Variants in COMMD10 observed in about 807,000 individuals in gnomAD.
The protein encoded by COMMD10 is COMM domain-containing protein 10.
A neutral mutation model predicts 28.9 loss-of-function variants in COMMD10; 33 were observed. That is an observed-to-expected ratio of 1.14 (90% CI 0.87 to 1.53). The LOEUF (loss-of-function observed/expected upper bound fraction) is 1.53. Ranked by LOEUF, COMMD10 falls within the 40% of genes most tolerant of loss-of-function variation. COMMD10 has a pLI of 0.00. For synonymous variants in COMMD10, 110 were observed against 81.7 expected, an observed-to-expected ratio of 1.35 and a Z score of -1.87; for missense variants, 310 against 233.4, an observed-to-expected ratio of 1.33 and a Z score of -2.14.
At chr5:116,146,778 C>A (rs10059989) in intron 5 of COMMD10, among the ~76,000 whole-genome samples, 47,877 of 151,562 alleles carry the variant, frequency 0.32, 10,505 homozygotes, top group African/African-American at 0.63. Flanking sequence ...AGGAAGAATA[C>A]TTGTAACTAT....
intron 5 of COMMD10, among the ~76,000 whole-genome samples, chr5:116,160,429 A>G (rs1001910649): frequency 5.9e-5 from 9 of 152,194 alleles, no homozygotes; most frequent in African/African-American, 2.2e-4. Flanking sequence ...TGCTGTATTA[A>G]AATGTGAAGA....
At chr5:116,156,096 T>C (rs1752697766) in intron 5 of COMMD10, among the ~76,000 whole-genome samples, 1 of 152,102 alleles carries the variant, frequency 6.6e-6, no homozygotes, top group Non-Finnish European at 1.5e-5. Context: ...CCAAAACATT[T>C]CACCTCCCTG....
At chr5:116,280,513 A>G (rs987999668) in intron 5 of COMMD10, among the ~76,000 whole-genome samples, 2 of 151,868 alleles carry the variant, frequency 1.3e-5, no homozygotes, top group Non-Finnish European at 2.9e-5. Flanking sequence ...ACCTGCAGAC[A>G]TAAAGAAGGA....
intron 5 of COMMD10, among the ~76,000 whole-genome samples, chr5:116,165,416 AG>A (rs1353237415): frequency 5.3e-5 from 8 of 152,194 alleles, no homozygotes; most frequent in African/African-American, 1.9e-4. Flanking sequence ...TTAGTCTGCT[AG>A]GGCTGCCAAA....
intron 5 of COMMD10, among the ~76,000 whole-genome samples, chr5:116,159,675 T>A (rs1182064362): frequency 6.6e-6 from 1 of 152,156 alleles, no homozygotes; most frequent in Non-Finnish European, 1.5e-5. Flanking sequence ...CTGTGGAGGT[T>A]TATTCCAAGT....
intron 4 of COMMD10, among the ~76,000 whole-genome samples, chr5:116,121,905 G>A (rs1751447535): frequency 6.6e-6 from 1 of 152,138 alleles, no homozygotes; most frequent in Non-Finnish European, 1.5e-5. Flanking sequence ...TGGGTAGATT[G>A]CACAAATTTT....
chr5:116,233,376 C>T (rs77356398), intron 5 of COMMD10, among the ~76,000 whole-genome samples: 4,383 of 152,136 alleles, frequency 0.029, 106 homozygotes, highest in East Asian at 0.13. Flanking sequence ...AGGGTCAGTG[C>T]TATCAGCAGT....
At chr5:116,249,208 A>G (rs887109645) in intron 5 of COMMD10, among the ~76,000 whole-genome samples, 1 of 151,946 alleles carries the variant, frequency 6.6e-6, no homozygotes, top group African/African-American at 2.4e-5. Flanking sequence ...GCAAAGAAGT[A>G]TTTACTTTTC....
At chr5:116,165,614 CTGTG>C (rs1010341606) in intron 5 of COMMD10, among the ~76,000 whole-genome samples, 1 of 151,536 alleles carries the variant, frequency 6.6e-6, no homozygotes, top group Non-Finnish European at 1.5e-5. Context: ...GTGGGTGTAT[CTGTG>C]TGTGTGTTTG....
chr5:116,127,623 G>T (rs1483928569), intron 4 of COMMD10, among the ~76,000 whole-genome samples: 1 of 152,208 alleles, frequency 6.6e-6, no homozygotes, highest in Non-Finnish European at 1.5e-5. Context: ...CATGTCCTTT[G>T]TAGAGACATG....
At chr5:116,105,695 A>G (rs1413825424) in intron 4 of COMMD10, among the ~76,000 whole-genome samples, 2 of 152,146 alleles carry the variant, frequency 1.3e-5, no homozygotes, top group Non-Finnish European at 2.9e-5. Context: ...GGGCAGGTGT[A>G]TGTGTCCAGG....
intron 5 of COMMD10, among the ~76,000 whole-genome samples, chr5:116,136,282 A>T (rs1752022495): frequency 6.6e-6 from 1 of 152,218 alleles, no homozygotes; most frequent in Non-Finnish European, 1.5e-5. Context: ...TGAGTAAGTT[A>T]TTCCTTTAGG....
At chr5:116,253,410 T>G (rs1327387545) in intron 5 of COMMD10, among the ~76,000 whole-genome samples, 2 of 151,420 alleles carry the variant, frequency 1.3e-5, no homozygotes, top group Admixed American at 6.6e-5. Context: ...TTTTGCCCAT[T>G]CAGTATGATA....
At chr5:116,120,828 A>T (rs556843827) in intron 4 of COMMD10, among the ~76,000 whole-genome samples, 1 of 150,952 alleles carries the variant, frequency 6.6e-6, no homozygotes, top group East Asian at 2.0e-4. Context: ...CTGTTTGTGG[A>T]TATCTGGGCT....
intron 5 of COMMD10, among the ~76,000 whole-genome samples, chr5:116,197,672 G>A (rs1419988887): frequency 6.6e-6 from 1 of 152,178 alleles, no homozygotes; most frequent in African/African-American, 2.4e-5. Context: ...GTGAGCCACC[G>A]TGCCTGGCCC....
At chr5:116,246,419 T>C (rs1580579238) in intron 5 of COMMD10, among the ~76,000 whole-genome samples, 1 of 152,002 alleles carries the variant, frequency 6.6e-6, no homozygotes, top group East Asian at 1.9e-4. Flanking sequence ...AAGCAATTTA[T>C]AGATTCAGTG....
chr5:116,157,276 A>T (rs1561637081), intron 5 of COMMD10, among the ~76,000 whole-genome samples: 1 of 152,190 alleles, frequency 6.6e-6, no homozygotes, highest in Non-Finnish European at 1.5e-5. Context: ...AACATCAGTT[A>T]GCTATTGCTA....
chr5:116,216,625 G>T (rs192187961), intron 5 of COMMD10, among the ~76,000 whole-genome samples: 1 of 152,196 alleles, frequency 6.6e-6, no homozygotes, highest in African/African-American at 2.4e-5. Context: ...TGTGCCTCCC[G>T]GAGGTTCAAG....
chr5:116,225,714 T>C (rs1472557853), intron 5 of COMMD10, among the ~76,000 whole-genome samples: 1 of 152,092 alleles, frequency 6.6e-6, no homozygotes, highest in African/African-American at 2.4e-5. Flanking sequence ...CTCTGACACA[T>C]CAAGCCTGTC....
Sources: gnomAD v4.1 joint callset for allele counts (sites outside exome capture counted in the v4.1 genomes callset) on GRCh38, gnomAD v4.1.1 for gene constraint, MANE v1.5 for transcripts, NCBI Gene and HGNC (gene_info 2026-07-23, HGNC 2026-07-21) for gene names.